The following FAM89A variants were observed in gnomAD, a reference collection of about 807,000 sequenced individuals.
The protein encoded by FAM89A is family with sequence similarity 89 member A, also known as protein FAM89A.
FAM89A carries 10 observed loss-of-function variants against 7.1 expected under a neutral mutation model. That is an observed-to-expected ratio of 1.40 (90% CI 0.86 to 2.38). The LOEUF (loss-of-function observed/expected upper bound fraction) is 2.38. Ranked by LOEUF, FAM89A falls within the 30% of genes most tolerant of loss-of-function variation. The probability of loss-of-function intolerance (pLI) is 0.00; values close to 1 mark genes in which losing one functional copy is unlikely to be tolerated. For synonymous variants in FAM89A, 157 were observed against 129.3 expected, an observed-to-expected ratio of 1.21 and a Z score of -1.45; for missense variants, 276 against 262.8, an observed-to-expected ratio of 1.05 and a Z score of -0.35.
rs1454036754 is a variant in FAM89A, at chr1:231,039,875, G to C, written c.291+46C>G. 3.1e-6 allele frequency: 4 copies of C among 1,276,832 alleles called. No individual in the cohort carries two copies. The East Asian group carries it at 9.5e-5, about 30-fold the overall frequency. 79.1% of individuals were successfully genotyped at this position (1,276,832 alleles called of 1,614,324 possible). ...CGGTCCCCGCGAACTTTCCCGGGACGGCGAGCCCGGCCGGGAAGAGCCCCA... is the reference window on the plus strand; with the variant it reads ...CGGTCCCCGCGAACTTTCCCGGGACCGCGAGCCCGGCCGGGAAGAGCCCCA... On this transcript the variant is annotated intron_variant, in intron 1 of 1. Coordinates refer to ENST00000366654, the MANE Select transcript of FAM89A (RefSeq NM_198552.3).
chr1:231,020,452 T>C (rs1679856033), intron 1 of FAM89A, among the ~76,000 whole-genome samples: 1 of 152,120 alleles, frequency 6.6e-6, no homozygotes, highest in African/African-American at 2.4e-5. Context: ...CTGCTTTCAC[T>C]TTGGACGCCA....
chr1:231,024,253 A>G lies in FAM89A; in HGVS notation c.292-4127T>C, dbSNP rs986942001. Among the ~76,000 whole-genome samples the G allele has an allele frequency of 2.4e-4, 36 of 152,068 alleles. No homozygotes were observed. In the South Asian group the frequency reaches 4.8e-3, roughly 20 times the overall value. On this transcript the variant is annotated intron_variant, in intron 1 of 1. Coordinates refer to ENST00000366654, the MANE Select transcript of FAM89A (RefSeq NM_198552.3). ...CGCGCATGTAGAAAAGCACACAGAA[A>G]GTGTCAGAGGATTTACAGATTTTAT...
chr1:231,030,690 A>G (rs557054462), intron 1 of FAM89A, among the ~76,000 whole-genome samples: 2 of 152,364 alleles, frequency 1.3e-5, no homozygotes, highest in South Asian at 4.1e-4. Context: ...CTGTTATAAA[A>G]TAGCAGACTT....
chr1:231,023,417 G>A (rs1218146736), intron 1 of FAM89A, among the ~76,000 whole-genome samples: 1 of 152,208 alleles, frequency 6.6e-6, no homozygotes. Flanking sequence ...GGTGGCTAAC[G>A]AGAGAGGCCT....
intron 1 of FAM89A, among the ~76,000 whole-genome samples, chr1:231,032,038 G>A (rs563662362): frequency 5.3e-5 from 8 of 152,066 alleles, no homozygotes; most frequent in Non-Finnish European, 1.0e-4. Flanking sequence ...GTAATGGGAA[G>A]AAAGACGTTT....
intron 1 of FAM89A, among the ~76,000 whole-genome samples, chr1:231,039,274 A>G (rs1680211336): frequency 6.6e-6 from 1 of 152,238 alleles, no homozygotes; most frequent in South Asian, 2.1e-4. Flanking sequence ...CCGGGAGGAC[A>G]GCCACCTCCC....
At chr1:231,032,403 C>T (rs1166308456) in intron 1 of FAM89A, among the ~76,000 whole-genome samples, 1 of 133,026 alleles carries the variant, frequency 7.5e-6, no homozygotes, top group Non-Finnish European at 1.6e-5. Flanking sequence ...CCCCCCACCC[C>T]CAGCAATGCA....
chr1:231,019,885 T>C lies in FAM89A; in HGVS notation c.533A>G (p.Asp178Gly), dbSNP rs755089815. 4 of 1,614,102 alleles carry C rather than the reference T, an allele frequency of 2.5e-6. No homozygotes were observed. In the South Asian group the frequency reaches 4.4e-5, roughly 18 times the overall value. The change falls in exon 2 of 2, where the codon GAC becomes GGC. Residue 178 changes from aspartate (D) to glycine (G), a missense_variant. Physicochemically the swap from Asp to Gly is moderately conservative, Grantham distance 94. Coordinates refer to ENST00000366654, the MANE Select transcript of FAM89A (RefSeq NM_198552.3). ...SLPVSSLSSS[D>G]WILESI ...CCTCTAGATGGACTCCAGAATCCAG[T>C]CGCTGCTGGAGAGGGAGGAGACAGG...
At chr1:231,024,549 CAT>C (rs1553308537) in intron 1 of FAM89A, among the ~76,000 whole-genome samples, 2 of 149,962 alleles carry the variant, frequency 1.3e-5, no homozygotes, top group African/African-American at 4.9e-5. Context: ...CACACACACA[CAT>C]TTAGAGATGG....
chr1:231,022,265 A>C (rs996375521), intron 1 of FAM89A: 2 of 786,190 alleles, frequency 2.5e-6, no homozygotes, highest in Non-Finnish European at 4.5e-6. Flanking sequence ...GAGCTCAAAA[A>C]GACTGTTTTG....
chr1:231,030,430 T>C (rs74143532), intron 1 of FAM89A, among the ~76,000 whole-genome samples: 55 of 152,350 alleles, frequency 3.6e-4, no homozygotes, highest in African/African-American at 1.2e-3. Context: ...ACACAGAGAC[T>C]GTTCTGCAAT....
intron 1 of FAM89A, among the ~76,000 whole-genome samples, chr1:231,035,042 T>C (rs1010877132): frequency 2.6e-5 from 4 of 152,190 alleles, no homozygotes; most frequent in African/African-American, 9.7e-5. Context: ...TTATTCTAAA[T>C]GGCACTTCAT....
At chr1:231,023,212 C>A (rs188882402) in intron 1 of FAM89A, among the ~76,000 whole-genome samples, 6 of 152,320 alleles carry the variant, frequency 3.9e-5, no homozygotes, top group Admixed American at 3.9e-4. Context: ...CTCATCCTTC[C>A]CAACCCCGTG....
rs139570144 is a variant in FAM89A, at chr1:231,031,811, T to C, written c.291+8110A>G. Among the ~76,000 whole-genome samples the C allele has an allele frequency of 1.2e-4, 19 of 152,286 alleles. No individual in the cohort carries two copies. In the East Asian group the frequency reaches 3.7e-3, roughly 29 times the overall value. On this transcript the variant is annotated intron_variant, in intron 1 of 1. Coordinates refer to ENST00000366654, the MANE Select transcript of FAM89A (RefSeq NM_198552.3). ...ATATACATATATAGTTACCATATTC[T>C]TTTCAACAATTGTACAGTATTCTAT...
chr1:231,021,622 A>C lies in FAM89A; in HGVS notation c.292-1496T>G, dbSNP rs1679879784. On this transcript the variant is annotated intron_variant, in intron 1 of 1. Coordinates refer to ENST00000366654, the MANE Select transcript of FAM89A (RefSeq NM_198552.3). ...CACCAAAGAGCACAATGAGTACAAG[A>C]AAGCGTCGAGGTGGAGCAATAAATT... 5 of 1,528,960 alleles carry C rather than the reference A, an allele frequency of 3.3e-6. No homozygotes were observed. The East Asian group carries it at 1.1e-4, about 35-fold the overall frequency. 94.7% of individuals were successfully genotyped at this position (1,528,960 alleles called of 1,614,324 possible).
intron 1 of FAM89A, chr1:231,026,897 C>T (rs4506448): frequency 0.2 from 30,339 of 152,040 alleles, 4,183 homozygotes; most frequent in African/African-American, 0.39. Context: ...TGCTCAAAAA[C>T]CATGGAAGAA....
At chr1:231,028,357 T>C (rs938482577) in intron 1 of FAM89A, 1 of 152,134 alleles carries the variant, frequency 6.6e-6, no homozygotes, top group African/African-American at 2.4e-5. Flanking sequence ...CTCTCTACAC[T>C]GAAGGTATGT....
chr1:231,030,878 G>A (rs1039777447), intron 1 of FAM89A, among the ~76,000 whole-genome samples: 2 of 152,204 alleles, frequency 1.3e-5, no homozygotes, highest in Non-Finnish European at 2.9e-5. Context: ...GGGAGGACAA[G>A]ACAGGTGGAG....
chr1:231,025,668 T>G (rs998220504), intron 1 of FAM89A, among the ~76,000 whole-genome samples: 1 of 151,980 alleles, frequency 6.6e-6, no homozygotes, highest in African/African-American at 2.4e-5. Context: ...ATCTGGCATT[T>G]GTGTTTTAAA....
Sources: gnomAD v4.1 joint callset for allele counts (sites outside exome capture counted in the v4.1 genomes callset) on GRCh38, gnomAD v4.1.1 for gene constraint, MANE v1.5 for transcripts, NCBI Gene and HGNC (gene_info 2026-07-23, HGNC 2026-07-21) for gene names.